The following SEM1 variants were observed in gnomAD, a reference collection of about 807,000 sequenced individuals.
SEM1 encodes the protein 26S proteasome complex subunit SEM1.
In SEM1, 3 loss-of-function variants were observed where a neutral mutation model predicts 12.7. The ratio of observed to expected loss-of-function variants is 0.24; its 90% CI spans 0.11 to 0.61. SEM1 has a LOEUF of 0.61. Among genes scored for constraint, SEM1 ranks in the 20% least tolerant of loss-of-function variants. The probability of loss-of-function intolerance (pLI) is 0.88; values close to 1 mark genes in which losing one functional copy is unlikely to be tolerated. For missense variants in SEM1, 59 were observed against 81.3 expected (o/e 0.73, Z 1.06); for synonymous variants, 30 against 27.8 (o/e 1.08, Z -0.25).
chr7:96,643,559 T>C (rs576723980), intron 2 of SEM1, among the ~76,000 whole-genome samples: 161 of 152,126 alleles, frequency 1.1e-3, no homozygotes, highest in African/African-American at 3.8e-3. Flanking sequence ...CCAACCCAAA[T>C]GTCCATTAAT....
chr7:96,521,298 A>G (rs1283551309), intron 2 of SEM1, among the ~76,000 whole-genome samples: 2 of 152,126 alleles, frequency 1.3e-5, no homozygotes, highest in African/African-American at 4.8e-5. Context: ...TGCCTCTGGC[A>G]TATCGTGTTA....
At chr7:96,570,130 G>T (rs898220860) in intron 2 of SEM1, among the ~76,000 whole-genome samples, 2 of 151,000 alleles carry the variant, frequency 1.3e-5, no homozygotes, top group Non-Finnish European at 2.9e-5. Context: ...GTACTAATCT[G>T]CATTCCCACC....
chr7:96,680,684 A>T (rs1175206835), intron 2 of SEM1, among the ~76,000 whole-genome samples: 1 of 152,138 alleles, frequency 6.6e-6, no homozygotes, highest in Non-Finnish European at 1.5e-5. Flanking sequence ...ATTTCATGAC[A>T]GCTAAAGAGG....
chr7:96,667,368 A>C (rs574535892), intron 2 of SEM1, among the ~76,000 whole-genome samples: 4 of 152,172 alleles, frequency 2.6e-5, no homozygotes, highest in Non-Finnish European at 5.9e-5. Context: ...ACCACAAGCA[A>C]GTTAGCTGCC....
intron 1 of SEM1, among the ~76,000 whole-genome samples, chr7:96,704,384 C>A (rs1166382690): frequency 6.6e-6 from 1 of 151,934 alleles, no homozygotes; most frequent in African/African-American, 2.4e-5. Flanking sequence ...TTACCATAAG[C>A]GGTTACTTAT....
chr7:96,520,729 A>C (rs974316567), intron 2 of SEM1, among the ~76,000 whole-genome samples: 1 of 152,238 alleles, frequency 6.6e-6, no homozygotes, highest in South Asian at 2.1e-4. Flanking sequence ...ACAGAAATAA[A>C]AGGGTATGGT....
chr7:96,577,072 G>C (rs574540241), intron 2 of SEM1, among the ~76,000 whole-genome samples: 2 of 151,480 alleles, frequency 1.3e-5, no homozygotes, highest in African/African-American at 2.4e-5. Context: ...AGCTGAGATT[G>C]CACCACTGCA....
At chr7:96,705,241 A>G (rs1202985371) in intron 1 of SEM1, among the ~76,000 whole-genome samples, 1 of 152,034 alleles carries the variant, frequency 6.6e-6, no homozygotes, top group Non-Finnish European at 1.5e-5. Context: ...ACTATATAGA[A>G]ATTTCACCTA....
chr7:96,509,368 C>T (rs1053648494), intron 2 of SEM1, among the ~76,000 whole-genome samples: 4 of 151,910 alleles, frequency 2.6e-5, no homozygotes, highest in African/African-American at 9.7e-5. Context: ...CCATTTACAT[C>T]GCTTAGATTT....
At position 96,541,431 on chromosome 7, in the gene SEM1, G is replaced by GGTTTTTTTTTTGTTTTTTTTTT. The variant is rs1554412360; in HGVS notation, c.171-34734_171-34733insAAAAAAAAAACAAAAAAAAAAC. Among the ~76,000 whole-genome samples, 4 of 121,488 alleles carry GGTTTTTTTTTTGTTTTTTTTTT rather than the reference G, an allele frequency of 3.3e-5. 1 individual carries two copies. Among genetic ancestry groups the GGTTTTTTTTTTGTTTTTTTTTT allele is most frequent in the Non-Finnish European group, 3.2e-5 (2 of 61,908 alleles). The allele number at this position is 121,488 out of a possible 152,430, so 79.7% of individuals were successfully genotyped here. ...CATGTCTTTTCCCACTTTTTAATGG[G>GGTTTTTTTTTTGTTTTTTTTTT]TTTTTTTTTTTGTTTTTTTTTTTTT... On this transcript the variant is annotated intron_variant and NMD_transcript_variant, in intron 2 of 3. Transcript: ENST00000466986.
At chr7:96,548,437 T>C (rs1207880406) in intron 2 of SEM1, among the ~76,000 whole-genome samples, 1 of 152,152 alleles carries the variant, frequency 6.6e-6, no homozygotes, top group Non-Finnish European at 1.5e-5. Context: ...ACAGAATCTA[T>C]GGCCCCACCC....
At chr7:96,602,085 GT>G (rs1488649179) in intron 2 of SEM1, among the ~76,000 whole-genome samples, 6 of 152,174 alleles carry the variant, frequency 3.9e-5, no homozygotes, top group Non-Finnish European at 8.8e-5. Context: ...AACAATGTCT[GT>G]TGGACATCTC....
chr7:96,631,403 C>T (rs994176669), intron 2 of SEM1, among the ~76,000 whole-genome samples: 1 of 152,066 alleles, frequency 6.6e-6, no homozygotes, highest in Non-Finnish European at 1.5e-5. Flanking sequence ...AATAGGACAG[C>T]ACTGAGCTCA....
At chr7:96,493,341 C>T (rs1584703476) in intron 1 of SEM1, among the ~76,000 whole-genome samples, 1 of 151,992 alleles carries the variant, frequency 6.6e-6, no homozygotes, top group South Asian at 2.1e-4. Context: ...AATGCATTTC[C>T]TATCCAAGTT....
chr7:96,605,935 C>A (rs945914013), intron 2 of SEM1, among the ~76,000 whole-genome samples: 1 of 152,136 alleles, frequency 6.6e-6, no homozygotes, highest in Admixed American at 6.6e-5. Flanking sequence ...GTCAAGGGTA[C>A]CCACATTGTA....
chr7:96,489,760 C>T (rs1245225008), intron 1 of SEM1, among the ~76,000 whole-genome samples: 2 of 152,142 alleles, frequency 1.3e-5, no homozygotes, highest in Admixed American at 1.3e-4. Flanking sequence ...TTGGGCCTTC[C>T]TTGGTTTGTA....
chr7:96,640,410 C>T lies in SEM1; in HGVS notation c.171-17767G>A, dbSNP rs900493653. Among the ~76,000 whole-genome samples the T allele has an allele frequency of 4.0e-5, 6 of 151,868 alleles. No individual in the cohort carries two copies. Among genetic ancestry groups the T allele is most frequent in the South Asian group, 4.1e-4 (2 of 4,826 alleles). ...TCCAGTGCTAAAAAGAAATGAGCTA[C>T]CAAGCCATGAAAAGACAAAGAGAAA... On this transcript the variant is annotated intron_variant, in intron 2 of 2. Transcript: ENST00000417009. The surrounding 1 kb of genome is among the most constrained non-coding windows in gnomAD (Gnocchi z 4.0).
intron 2 of SEM1, among the ~76,000 whole-genome samples, chr7:96,554,047 T>C (rs1312965577): frequency 1.3e-5 from 2 of 151,868 alleles, no homozygotes; most frequent in Non-Finnish European, 2.9e-5. Context: ...ATTGATTTTG[T>C]ATCCTGAGAC....
intron 2 of SEM1, among the ~76,000 whole-genome samples, chr7:96,516,343 A>G (rs1804095657): frequency 6.6e-6 from 1 of 152,154 alleles, no homozygotes; most frequent in South Asian, 2.1e-4. Context: ...ACGTCTGATA[A>G]AAGAGTGTTA....
Sources: allele counts gnomAD v4.1 joint callset (sites outside exome capture counted in the v4.1 genomes callset), GRCh38; gene constraint gnomAD v4.1.1; non-coding constraint Gnocchi (gnomAD v3.1); transcripts MANE v1.5; gene names NCBI Gene and HGNC (gene_info 2026-07-23, HGNC 2026-07-21).